NEK7: variants seen among roughly 807,000 people sequenced by gnomAD.
The protein encoded by NEK7 is serine/threonine-protein kinase Nek7.
NEK7 carries 18 observed loss-of-function variants against 44.6 expected under a neutral mutation model. The observed-to-expected ratio is 0.40, with a 90% CI of 0.28 to 0.60. The LOEUF (loss-of-function observed/expected upper bound fraction) is 0.60. NEK7 is among the 20% of genes least tolerant of loss of function. The probability of loss-of-function intolerance (pLI) is 0.38; values close to 1 mark genes in which losing one functional copy is unlikely to be tolerated. For missense variants in NEK7, 256 were observed against 366.5 expected (o/e 0.70, Z 2.46); for synonymous variants, 130 against 121.1 (o/e 1.07, Z -0.48).
intron 2 of NEK7, among the ~76,000 whole-genome samples, chr1:198,252,567 T>TATATATAA (rs1307124157): frequency 5.3e-4 from 27 of 50,978 alleles, no homozygotes; most frequent in Middle Eastern, 8.1e-3. Flanking sequence ...TATATATATA[T>TATATATAA]AAAAAGTACA....
At chr1:198,304,198 A>G (rs1281422311) in intron 9 of NEK7, among the ~76,000 whole-genome samples, 3 of 152,178 alleles carry the variant, frequency 2.0e-5, no homozygotes, top group East Asian at 1.9e-4. Flanking sequence ...CTACAAAATC[A>G]TGTAACTTTC....
chr1:198,279,911 C>T (rs190996046), intron 7 of NEK7, among the ~76,000 whole-genome samples: 1 of 151,862 alleles, frequency 6.6e-6, no homozygotes, highest in Non-Finnish European at 1.5e-5. Context: ...GTACCTAAAA[C>T]GTAAGTAGGT....
chr1:198,297,793 G>C (rs949399687), intron 9 of NEK7, among the ~76,000 whole-genome samples: 2 of 152,116 alleles, frequency 1.3e-5, no homozygotes, highest in African/African-American at 4.8e-5. Flanking sequence ...GCTATACTCA[G>C]ATTCTACTGG....
At chr1:198,282,069 T>C (rs902556756) in intron 7 of NEK7, among the ~76,000 whole-genome samples, 2 of 152,096 alleles carry the variant, frequency 1.3e-5, no homozygotes, top group African/African-American at 4.8e-5. Flanking sequence ...TCTTCACTTG[T>C]TTTTCTGCTT....
At chr1:198,265,530 G>A (rs569720736) in intron 5 of NEK7, among the ~76,000 whole-genome samples, 8 of 152,164 alleles carry the variant, frequency 5.3e-5, no homozygotes, top group Admixed American at 3.3e-4. Context: ...GCTATAGACC[G>A]GCTGACTAGA....
At chr1:198,291,044 G>A (rs1489004479) in intron 7 of NEK7, among the ~76,000 whole-genome samples, 6 of 152,238 alleles carry the variant, frequency 3.9e-5, no homozygotes, top group East Asian at 3.9e-4. Flanking sequence ...TTATGCTGGG[G>A]CTAATCTCTG....
At chr1:198,164,148 C>T (rs1664193600) in intron 1 of NEK7, among the ~76,000 whole-genome samples, 2 of 152,186 alleles carry the variant, frequency 1.3e-5, no homozygotes, top group Non-Finnish European at 2.9e-5. Flanking sequence ...TTACATAGTT[C>T]TCCCGTTTAC....
chr1:198,254,273 A>G (rs1405272569), intron 3 of NEK7, among the ~76,000 whole-genome samples: 1 of 152,172 alleles, frequency 6.6e-6, no homozygotes, highest in Non-Finnish European at 1.5e-5. Flanking sequence ...TATTTTCGAC[A>G]TGTGTGTGCT....
chr1:198,317,184 T>G (rs895558882), intron 9 of NEK7, among the ~76,000 whole-genome samples: 2 of 152,236 alleles, frequency 1.3e-5, no homozygotes, highest in Admixed American at 6.5e-5. Flanking sequence ...CTTTTGATTC[T>G]TCTGGAAAAG....
intron 5 of NEK7, among the ~76,000 whole-genome samples, chr1:198,268,152 T>A (rs933092393): frequency 6.6e-6 from 1 of 152,070 alleles, no homozygotes; most frequent in Admixed American, 6.6e-5. Context: ...TGACTTTTTT[T>A]TTTTAATGTT....
chr1:198,241,471 G>A (rs1461190879), intron 2 of NEK7, among the ~76,000 whole-genome samples: 1 of 152,194 alleles, frequency 6.6e-6, no homozygotes, highest in East Asian at 1.9e-4. Context: ...GGAGTACCTG[G>A]AATTAATTTA....
intron 5 of NEK7, among the ~76,000 whole-genome samples, chr1:198,274,026 G>A (rs1653935554): frequency 6.6e-6 from 1 of 151,082 alleles, no homozygotes; most frequent in African/African-American, 2.4e-5. Context: ...AGATGGATAT[G>A]GATTGTGTTA....
intron 1 of NEK7, among the ~76,000 whole-genome samples, chr1:198,212,324 G>A (rs934136920): frequency 7.9e-5 from 12 of 152,226 alleles, no homozygotes; most frequent in African/African-American, 2.9e-4. Flanking sequence ...AGGGCATATG[G>A]CCTGGGGGCA....
intron 3 of NEK7, chr1:198,256,391 A>C: frequency 6.2e-7 from 1 of 1,612,042 alleles, no homozygotes; most frequent in Non-Finnish European, 8.5e-7. Flanking sequence ...CTTCTTGGAA[A>C]TCATAAAGGG....
At chr1:198,220,138 T>C (rs909319857) in intron 1 of NEK7, among the ~76,000 whole-genome samples, 3 of 152,072 alleles carry the variant, frequency 2.0e-5, no homozygotes, top group Non-Finnish European at 4.4e-5. Flanking sequence ...ATATTGTTAT[T>C]AACTCATAGG....
intron 9 of NEK7, among the ~76,000 whole-genome samples, chr1:198,306,364 C>G (rs1381670312): frequency 6.6e-6 from 1 of 152,100 alleles, no homozygotes; most frequent in African/African-American, 2.4e-5. Flanking sequence ...CGTGGAATAT[C>G]TAAGTACTAT....
chr1:198,301,989 G>A (rs926001226), intron 9 of NEK7, among the ~76,000 whole-genome samples: 2 of 152,156 alleles, frequency 1.3e-5, no homozygotes, highest in Admixed American at 6.5e-5. Context: ...CAGTAAGTCT[G>A]ATTAACGCTT....
At chr1:198,270,101 T>C (rs1433950418) in intron 5 of NEK7, among the ~76,000 whole-genome samples, 1 of 152,000 alleles carries the variant, frequency 6.6e-6, no homozygotes, top group Non-Finnish European at 1.5e-5. Context: ...AGACCCAGTG[T>C]AGAGGAAATT....
chr1:198,259,968 T>C (rs1653402035), intron 3 of NEK7, among the ~76,000 whole-genome samples: 1 of 152,168 alleles, frequency 6.6e-6, no homozygotes, highest in Admixed American at 6.6e-5. Flanking sequence ...CGTGTTAATT[T>C]TCTGTGTTGC....
Sources: allele counts gnomAD v4.1 joint callset (sites outside exome capture counted in the v4.1 genomes callset), GRCh38; gene constraint gnomAD v4.1.1; transcripts MANE v1.5; gene names NCBI Gene and HGNC (gene_info 2026-07-23, HGNC 2026-07-21).